Variants in ARHGEF17 observed in about 807,000 individuals in gnomAD.
ARHGEF17 encodes the protein 164 kDa Rho-specific guanine-nucleotide exchange factor.
ARHGEF17 carries 80 observed loss-of-function variants against 174.0 expected under a neutral mutation model. That is an observed-to-expected ratio of 0.46 (90% CI 0.38 to 0.55). ARHGEF17 has a LOEUF of 0.55. Among genes scored for constraint, ARHGEF17 ranks in the 20% least tolerant of loss-of-function variants. The pLI is 0.00. For synonymous variants in ARHGEF17, 1,311 were observed against 1,189.1 expected, an observed-to-expected ratio of 1.10 and a Z score of -2.11; for missense variants, 2,886 against 2,839.7, an observed-to-expected ratio of 1.02 and a Z score of -0.37.
chr11:73,351,417 GGGGAA>G (rs2134414388), intron 2 of ARHGEF17, among the ~76,000 whole-genome samples: 1 of 152,250 alleles, frequency 6.6e-6, no homozygotes, highest in African/African-American at 2.4e-5. Flanking sequence ...ATTAAAGCTA[GGGGAA>G]CATCTTTGCA....
Position 73,365,936 on chromosome 11 carries a change from C to T in ARHGEF17, c.5984C>T (p.Pro1995Leu). 1.2e-6 allele frequency: 2 copies of T among 1,602,402 alleles called. No homozygotes were observed. The highest frequency in any genetic ancestry group is 4.5e-5 in the East Asian group (2 of 44,832). Residue 1995 changes from proline to leucine, a missense_variant, in exon 20 of 21, where the codon CCC (proline) becomes CTC (leucine). Coordinates refer to ENST00000263674, the MANE Select transcript of ARHGEF17 (RefSeq NM_014786.4). The surrounding 1 kb of genome is among the most constrained non-coding windows in gnomAD (Gnocchi z 4.9). Reference sequence around the variant, plus strand: ...CTGCTCTGCCCAACCCCACCACCTCCCCCAGACACAGGTGGGTCAGTGCAT... The same window carrying T: ...CTGCTCTGCCCAACCCCACCACCTCTCCCAGACACAGGTGGGTCAGTGCAT... ...FNLLCPTPPP[P>L]PDTGPEKLPS...
In ARHGEF17 at chr11:73,310,487, C is replaced by A. The variant is rs567330760; in HGVS notation, c.1849C>A (p.Pro617Thr). 3 of 1,613,856 alleles carry A rather than the reference C, an allele frequency of 1.9e-6. No individual in the cohort carries two copies. Among genetic ancestry groups the A allele is most frequent in the East Asian group, 2.2e-5 (1 of 44,894 alleles). ...AQQDDGSDAPPGSPDWAGDVT... is the reference protein window; with the variant it reads ...AQQDDGSDAPTGSPDWAGDVT... ...ACAAGATGATGGAAGCGATGCCCCCCCTGGAAGCCCTGACTGGGCAGGGGA... is the reference window on the plus strand; with the variant it reads ...ACAAGATGATGGAAGCGATGCCCCCACTGGAAGCCCTGACTGGGCAGGGGA... Residue 617 changes from proline to threonine, a missense_variant, in exon 1 of 21, where the codon CCT (proline) becomes ACT (threonine). Coordinates refer to ENST00000263674, the MANE Select transcript of ARHGEF17 (RefSeq NM_014786.4).
At chr11:73,331,243 T>C (rs1385424885) in intron 1 of ARHGEF17, among the ~76,000 whole-genome samples, 5 of 152,188 alleles carry the variant, frequency 3.3e-5, no homozygotes, top group Non-Finnish European at 7.4e-5. Context: ...TTGTCCTGGC[T>C]GTGTCCCATA....
In ARHGEF17 at chr11:73,365,362, G is replaced by T; in HGVS notation, c.5551-28G>T. The T allele has an allele frequency of 1.2e-6, 2 of 1,612,760 alleles. No homozygotes were observed. The highest frequency in any genetic ancestry group is 2.2e-5 in the South Asian group (2 of 90,878). ...GGCCAAGGGAGGCAGGCCTGCCAAT[G>T]ACCCATCTTCTCCCCCGCCTTCCCC... On this transcript the variant is annotated intron_variant, in intron 18 of 20. Transcript: ENST00000263674. The surrounding 1 kb of genome is among the most constrained non-coding windows in gnomAD (Gnocchi z 4.9).
intron 17 of ARHGEF17, 55 bp from the exon 18 acceptor site, chr11:73,364,397 C>T (rs927110793): frequency 7.5e-5 from 121 of 1,611,350 alleles, no homozygotes; most frequent in Non-Finnish European, 9.8e-5. Flanking sequence ...CAGGGGAGAC[C>T]GAGGCTCAAA....
intron 1 of ARHGEF17, among the ~76,000 whole-genome samples, chr11:73,341,773 G>A (rs927260705): frequency 3.3e-5 from 5 of 152,228 alleles, no homozygotes; most frequent in Admixed American, 2.0e-4. Context: ...AGATGGGCCT[G>A]GCTTGAGCTA....
At chr11:73,362,369 G>A (rs989836607) in intron 13 of ARHGEF17, 64 bp from the exon 14 acceptor site, 1 of 1,461,314 alleles carries the variant, frequency 6.8e-7, no homozygotes, top group Non-Finnish European at 9.0e-7. Context: ...GTCGGTGGGC[G>A]TGTCCACCAC....
rs765352876 is a variant in ARHGEF17, at chr11:73,309,019, C to G, written c.381C>G (p.Thr127=). The G allele has an allele frequency of 3.5e-5, 50 of 1,419,154 alleles. No homozygotes were observed. Among genetic ancestry groups the G allele is most frequent in the Non-Finnish European group, 4.5e-5 (49 of 1,091,426 alleles). 87.9% of individuals were successfully genotyped at this position (1,419,154 alleles called of 1,614,324 possible). ...CGCGAGGAGCCTGGCCCAGCGTCAC[C>G]GAGATGCGCAAGCTCTTCGGCGGTC... ...GPARGAWPSV[T]EMRKLFGGPG... is the part of the protein sequence containing the mutation. Residue 127 remains threonine (T), a synonymous_variant, in exon 1 of 21, where the codon ACC becomes ACG. Coordinates refer to ENST00000263674, the MANE Select transcript of ARHGEF17 (RefSeq NM_014786.4).
At chr11:73,313,504 G>A (rs773377104) in intron 1 of ARHGEF17, among the ~76,000 whole-genome samples, 1 of 152,208 alleles carries the variant, frequency 6.6e-6, no homozygotes, top group Non-Finnish European at 1.5e-5. Context: ...CCAGAGAGGA[G>A]GTGGGAGTTT....
At chr11:73,334,907 TGCAGGTCA>T (rs1865262757) in intron 1 of ARHGEF17, among the ~76,000 whole-genome samples, 1 of 152,212 alleles carries the variant, frequency 6.6e-6, no homozygotes, top group African/African-American at 2.4e-5. Context: ...CAGTGCTCTG[TGCAGGTCA>T]GGAATCAGAG....
At position 73,364,204 on chromosome 11, in the gene ARHGEF17, C is replaced by T. The variant is rs1865798517; in HGVS notation, c.5366C>T (p.Ala1789Val). The T allele has an allele frequency of 6.2e-7, 1 of 1,614,032 alleles. No homozygotes were observed. Among genetic ancestry groups the T allele is most frequent in the Admixed American group, 1.7e-5 (1 of 59,990 alleles). ...YLNNQVFVSL[A>V]NGELVVYQRE... ...AATAACCAGGTGTTTGTGTCTCTGG[C>T]CAATGGAGAGCTTGTGGTCTACCAA... The change falls in exon 17 of 21, where the codon GCC (alanine) becomes GTC (valine). Residue 1789 changes from alanine (A) to valine (V), a missense_variant. Physicochemically the swap from Ala to Val is moderately conservative, Grantham distance 64. Around this residue, in one of 4 missense-constraint regions of ARHGEF17, gnomAD observed 329 missense variants for 435.2 expected, o/e 0.76. Coordinates refer to ENST00000263674, the MANE Select transcript of ARHGEF17 (RefSeq NM_014786.4).
intron 1 of ARHGEF17, among the ~76,000 whole-genome samples, chr11:73,315,924 C>G (rs1006875730): frequency 1.3e-5 from 2 of 152,080 alleles, no homozygotes; most frequent in Admixed American, 6.5e-5. Context: ...ACTTACCCCT[C>G]CTGCTTCCCT....
At position 73,357,237 on chromosome 11, in the gene ARHGEF17, C is replaced by T; in HGVS notation, c.4002-5C>T. The T allele has an allele frequency of 6.2e-7, 1 of 1,613,706 alleles. No individual in the cohort carries two copies. The highest frequency in any genetic ancestry group is 8.5e-7 in the Non-Finnish European group (1 of 1,179,682). On this transcript the variant is annotated splice_polypyrimidine_tract_variant and splice_region_variant and intron_variant, in intron 8 of 20. Coordinates refer to ENST00000263674, the MANE Select transcript of ARHGEF17 (RefSeq NM_014786.4). ...TGGCCAGAGCGCCCCATTGGCTCCCCACAGGTACACGGCAGCCAGTGTCAT... is the reference window on the plus strand; with the variant it reads ...TGGCCAGAGCGCCCCATTGGCTCCCTACAGGTACACGGCAGCCAGTGTCAT...
chr11:73,346,182 A>G (rs1460482563), intron 1 of ARHGEF17, among the ~76,000 whole-genome samples: 1 of 152,142 alleles, frequency 6.6e-6, no homozygotes, highest in African/African-American at 2.4e-5. Context: ...CCCTAACATG[A>G]AGAGAATAAT....
In ARHGEF17 at chr11:73,363,214, A is replaced by G; in HGVS notation, c.5005A>G (p.Thr1669Ala). ...TISSSFGNEETPSSKEATAET... is the reference protein window; with the variant it reads ...TISSSFGNEEAPSSKEATAET... ...ACCTTTGTCTCCCTCAGATGAGGAGACCCCGAGTTCCAAGGAGGCCACGGC... is the reference window on the plus strand; with the variant it reads ...ACCTTTGTCTCCCTCAGATGAGGAGGCCCCGAGTTCCAAGGAGGCCACGGC... The change falls in exon 15 of 21, where the codon ACC becomes GCC. Residue 1669 changes from threonine (T) to alanine (A), a missense_variant. Around this residue, in one of 4 missense-constraint regions of ARHGEF17, gnomAD observed 476 missense variants for 473.1 expected, o/e 1.01. Transcript: ENST00000263674. The G allele has an allele frequency of 2.6e-6, 4 of 1,563,522 alleles. No individual in the cohort carries two copies. The highest frequency in any genetic ancestry group is 1.4e-5 in the African/African-American group (1 of 73,484).
At position 73,310,314 on chromosome 11, in the gene ARHGEF17, C is replaced by T. The variant is rs575534990; in HGVS notation, c.1676C>T (p.Pro559Leu). The T allele has an allele frequency of 3.7e-5, 60 of 1,613,810 alleles. 1 individual carries two copies. In the South Asian group the frequency reaches 6.0e-4, roughly 16 times the overall value. Residue 559 changes from proline to leucine, a missense_variant, in exon 1 of 21, where the codon CCC becomes CTC. Transcript: ENST00000263674. Reference sequence around the variant, plus strand: ...GAGAAGCCCATGGCCCGCCGCCTGCCCCGCACCAGTGCTCTGAAGTCCAGC... The same window carrying T: ...GAGAAGCCCATGGCCCGCCGCCTGCTCCGCACCAGTGCTCTGAAGTCCAGC... Reference protein sequence around the residue: ...CSEKPMARRLPRTSALKSSSS... With the variant: ...CSEKPMARRLLRTSALKSSSS...
chr11:73,332,243 AAGCCATCAGTGG>A (rs1194318791), intron 1 of ARHGEF17, among the ~76,000 whole-genome samples: 1 of 152,104 alleles, frequency 6.6e-6, no homozygotes, highest in Non-Finnish European at 1.5e-5. Flanking sequence ...GGAGGTCGGG[AAGCCATCAGTGG>A]AGAGTGGTCT....
In ARHGEF17 at chr11:73,356,360, G is replaced by C. The variant is rs755734146; in HGVS notation, c.3840+9G>C. 3 of 1,600,448 alleles carry C rather than the reference G, an allele frequency of 1.9e-6. No individual in the cohort carries two copies. The highest frequency in any genetic ancestry group is 2.5e-6 in the Non-Finnish European group (3 of 1,177,030). On this transcript the variant is annotated intron_variant, in intron 6 of 20. Transcript: ENST00000263674. Reference sequence around the variant, plus strand: ...TCGAGGGCATGGAGGATGTGCGTGCGCCCTGCCCCACCCCACCCTACCCCA... The same window carrying C: ...TCGAGGGCATGGAGGATGTGCGTGCCCCCTGCCCCACCCCACCCTACCCCA...
rs763303354 is a variant in ARHGEF17, at chr11:73,311,221, C to T, written c.2583C>T (p.Ser861=). ...TTGAGCCCATGCTGCCTCCATCCAG[C>T]AGCGAGCCCATCCTTGTAGAGCAGC... ...REVEPMLPPS[S]SEPILVEQRA... Residue 861 remains serine, a synonymous_variant, in exon 1 of 21, where the codon AGC becomes AGT. Coordinates refer to ENST00000263674, the MANE Select transcript of ARHGEF17 (RefSeq NM_014786.4). The T allele has an allele frequency of 1.9e-6, 3 of 1,605,540 alleles. No homozygotes were observed. Among genetic ancestry groups the T allele is most frequent in the South Asian group, 2.2e-5 (2 of 90,558 alleles).
Sources: allele counts gnomAD v4.1 joint callset (sites outside exome capture counted in the v4.1 genomes callset), GRCh38; gene constraint gnomAD v4.1.1; regional missense constraint gnomAD v4.1.1; non-coding constraint Gnocchi (gnomAD v3.1); transcripts MANE v1.5; gene names NCBI Gene and HGNC (gene_info 2026-07-23, HGNC 2026-07-21).